RAB38: variants seen among roughly 807,000 people sequenced by gnomAD.
RAB38 encodes ras-related protein Rab-38.
Under a neutral mutation model 18.4 loss-of-function variants are expected in RAB38, and 15 were observed. The ratio of observed to expected loss-of-function variants is 0.82; its 90% CI spans 0.55 to 1.26. The LOEUF (loss-of-function observed/expected upper bound fraction) is 1.26, where lower values mean the gene tolerates loss of function less well. RAB38 is among the 50% of genes most tolerant of loss of function. RAB38 has a pLI of 0.00. For synonymous variants in RAB38, 101 were observed against 104.4 expected, an observed-to-expected ratio of 0.97 and a Z score of 0.20; for missense variants, 294 against 267.4, an observed-to-expected ratio of 1.10 and a Z score of -0.69.
the RAB38 span, among the ~76,000 whole-genome samples, chr11:87,814,632 C>A: frequency 1.1e-4 from 17 of 152,250 alleles, no homozygotes; most frequent in African/African-American, 3.9e-4. Context: ...TGCTTTTTCC[C>A]TGAGTTGTCC....
At chr11:87,925,926 C>T in the RAB38 span, among the ~76,000 whole-genome samples, 2 of 151,842 alleles carry the variant, frequency 1.3e-5, no homozygotes, top group Admixed American at 6.6e-5. Context: ...TTGATACCTG[C>T]CACGCTACGA....
At chr11:88,128,904 C>A (rs1468812802) in intron 2 of RAB38, among the ~76,000 whole-genome samples, 2 of 152,100 alleles carry the variant, frequency 1.3e-5, no homozygotes, top group Non-Finnish European at 2.9e-5. Context: ...TCTACTGGGA[C>A]AACTTGCAGC....
chr11:87,976,225 CTA>C, the RAB38 span, among the ~76,000 whole-genome samples: 30 of 139,750 alleles, frequency 2.1e-4, no homozygotes, highest in East Asian at 6.2e-4. Context: ...ATGTATATAC[CTA>C]TATATATATA....
At chr11:88,041,880 T>C in the RAB38 span, among the ~76,000 whole-genome samples, 23 of 152,236 alleles carry the variant, frequency 1.5e-4, no homozygotes, top group Non-Finnish European at 3.2e-4. Flanking sequence ...AGCCCACATT[T>C]GAAACCTGGC....
At chr11:87,826,823 GA>G in the RAB38 span, among the ~76,000 whole-genome samples, 2 of 152,132 alleles carry the variant, frequency 1.3e-5, no homozygotes, top group Non-Finnish European at 2.9e-5. Flanking sequence ...AACACACCCA[GA>G]TAACCAGCCT....
intron 1 of RAB38, chr11:88,174,062 A>G: frequency 1.0e-6 from 1 of 985,452 alleles, no homozygotes; most frequent in African/African-American, 1.7e-5. Flanking sequence ...AGACCATGAA[A>G]TAAGACTGTT....
At chr11:88,158,969 G>A (rs1943157224) in intron 1 of RAB38, among the ~76,000 whole-genome samples, 1 of 151,908 alleles carries the variant, frequency 6.6e-6, no homozygotes, top group African/African-American at 2.4e-5. Context: ...AAAACAAAAA[G>A]TCAAACTATC....
At chr11:88,033,335 A>C in the RAB38 span, among the ~76,000 whole-genome samples, 1 of 152,000 alleles carries the variant, frequency 6.6e-6, no homozygotes, top group Admixed American at 6.6e-5. Flanking sequence ...TATGTAACTA[A>C]CCTGCATGTT....
At chr11:88,160,998 A>G (rs956354979) in intron 1 of RAB38, among the ~76,000 whole-genome samples, 3 of 102,786 alleles carry the variant, frequency 2.9e-5, no homozygotes, top group African/African-American at 1.2e-4. Flanking sequence ...AAGTTTAGAG[A>G]AAAGAAAAGA....
At chr11:87,969,457 A>G in the RAB38 span, among the ~76,000 whole-genome samples, 1 of 152,186 alleles carries the variant, frequency 6.6e-6, no homozygotes, top group Non-Finnish European at 1.5e-5. Context: ...ATGGTATAAT[A>G]GCTGTATTAC....
chr11:88,081,431 T>C, the RAB38 span, among the ~76,000 whole-genome samples: 1 of 151,924 alleles, frequency 6.6e-6, no homozygotes, highest in Non-Finnish European at 1.5e-5. Context: ...TTTTGTCTCA[T>C]AGTTATAGAT....
At chr11:88,024,968 T>C in the RAB38 span, among the ~76,000 whole-genome samples, 1 of 152,086 alleles carries the variant, frequency 6.6e-6, no homozygotes. Context: ...ACGGAGAGAC[T>C]AGAGTCAATA....
chr11:87,962,710 A>T, the RAB38 span, among the ~76,000 whole-genome samples: 1 of 152,084 alleles, frequency 6.6e-6, no homozygotes. Context: ...GTCCCTGAAA[A>T]TTTTTTCAGA....
In RAB38 at chr11:88,149,775, T is replaced by C. The variant is rs747210498; in HGVS notation, c.383A>G (p.Lys128Arg). Residue 128 changes from lysine to arginine, a missense_variant, in exon 2 of 3, where the codon AAA (lysine) becomes AGA (arginine). By Grantham distance (26) the Lys-to-Arg change is conservative. Transcript: ENST00000243662. The stretch of plus-strand genomic sequence containing the variant: ...GAGCACATCCTTCCCCTGGTCACAT[T>C]TGTTGGCCAACAAAACCACTGAAAC... ...KPVSVVLLAN[K>R]CDQGKDVLMN... The C allele has an allele frequency of 1.9e-6, 3 of 1,614,142 alleles. No individual in the cohort carries two copies. Among genetic ancestry groups the C allele is most frequent in the East Asian group, 4.5e-5 (2 of 44,872 alleles).
chr11:88,098,800 G>A, the RAB38 span: 2 of 151,948 alleles, frequency 1.3e-5, no homozygotes, highest in African/African-American at 4.8e-5. Flanking sequence ...TAATAGCGAA[G>A]GCATCCTATA....
At chr11:88,008,800 A>G in the RAB38 span, among the ~76,000 whole-genome samples, 1 of 152,288 alleles carries the variant, frequency 6.6e-6, no homozygotes, top group Non-Finnish European at 1.5e-5. Flanking sequence ...CAGCCTCCCA[A>G]GTAGCTGGGA....
chr11:87,920,289 C>A, the RAB38 span, among the ~76,000 whole-genome samples: 1 of 151,740 alleles, frequency 6.6e-6, no homozygotes, highest in Non-Finnish European at 1.5e-5. Flanking sequence ...TTATAATCTT[C>A]TCTCTTAGGA....
chr11:88,166,448 G>T (rs984658361), intron 1 of RAB38: 1 of 151,992 alleles, frequency 6.6e-6, no homozygotes, highest in African/African-American at 2.4e-5. Context: ...CTTGTGTTCT[G>T]GTTCTAATTC....
intron 2 of RAB38, among the ~76,000 whole-genome samples, chr11:88,144,538 G>T (rs565775212): frequency 6.6e-6 from 1 of 152,310 alleles, no homozygotes; most frequent in East Asian, 1.9e-4. Flanking sequence ...CTCCCTAAAA[G>T]AAACTAATAC....
Sources: gnomAD v4.1 joint callset for allele counts (sites outside exome capture counted in the v4.1 genomes callset) on GRCh38, gnomAD v4.1.1 for gene constraint, MANE v1.5 for transcripts, NCBI Gene and HGNC (gene_info 2026-07-23, HGNC 2026-07-21) for gene names.